Variants in AKT3 observed in about 807,000 individuals in gnomAD.
The protein encoded by AKT3 is RAC-gamma serine/threonine-protein kinase.
Under a neutral mutation model 65.3 loss-of-function variants are expected in AKT3, and 15 were observed. That is an observed-to-expected ratio of 0.23 (90% CI 0.15 to 0.35). AKT3 has a LOEUF of 0.35. Ranked by LOEUF, AKT3 falls within the 10% of genes least tolerant of loss-of-function variation. The probability of loss-of-function intolerance (pLI) is 1.00; values close to 1 mark genes in which losing one functional copy is unlikely to be tolerated. For synonymous variants in AKT3, 206 were observed against 183.8 expected (o/e 1.12, Z -0.98); for missense variants, 243 against 576.5 (o/e 0.42, Z 5.92).
chr1:243,735,869 A>G (rs1687816295), intron 2 of AKT3: 1 of 152,222 alleles, frequency 6.6e-6, no homozygotes, highest in African/African-American at 2.4e-5. Flanking sequence ...TTTGAAGTTC[A>G]AAGTATGTAT....
intron 2 of AKT3, among the ~76,000 whole-genome samples, chr1:243,712,158 C>T (rs550513554): frequency 3.9e-4 from 60 of 152,230 alleles, no homozygotes; most frequent in Non-Finnish European, 7.5e-4. Flanking sequence ...TGGACATAAT[C>T]CTACACACAA....
At chr1:243,694,551 A>G (rs934180980) in intron 3 of AKT3, among the ~76,000 whole-genome samples, 1 of 151,906 alleles carries the variant, frequency 6.6e-6, no homozygotes, top group African/African-American at 2.4e-5. Flanking sequence ...GTTAGTATCC[A>G]TATCGTTCAA....
At chr1:243,601,005 G>A (rs763065410) in intron 8 of AKT3, among the ~76,000 whole-genome samples, 30 of 152,048 alleles carry the variant, frequency 2.0e-4, no homozygotes, top group Non-Finnish European at 3.5e-4. Context: ...CATGATTGTG[G>A]TGATGGGAAA....
chr1:243,522,669 GCAGCCTA>G (rs1478605274), intron 12 of AKT3, among the ~76,000 whole-genome samples: 1 of 151,934 alleles, frequency 6.6e-6, no homozygotes, highest in East Asian at 1.9e-4. Flanking sequence ...AAAGAAAAAT[GCAGCCTA>G]CATATAAACT....
At chr1:243,612,608 T>A (rs1677953089) in intron 8 of AKT3, 1 of 155,642 alleles carries the variant, frequency 6.4e-6, no homozygotes. Flanking sequence ...TCCAGTTAGC[T>A]TTTCCAGTAA....
intron 2 of AKT3, among the ~76,000 whole-genome samples, chr1:243,759,946 G>A (rs1403346174): frequency 5.9e-5 from 9 of 152,110 alleles, no homozygotes; most frequent in South Asian, 2.1e-4. Flanking sequence ...ATGGCTGATC[G>A]TTAATGTCAA....
intron 12 of AKT3, among the ~76,000 whole-genome samples, chr1:243,525,524 G>A (rs1050283824): frequency 1.3e-5 from 2 of 150,852 alleles, no homozygotes; most frequent in African/African-American, 4.9e-5. Flanking sequence ...GAGTAAAAAA[G>A]TTGAAAATCT....
chr1:243,509,748 T>C (rs1318993117), intron 13 of AKT3, among the ~76,000 whole-genome samples: 1 of 151,554 alleles, frequency 6.6e-6, no homozygotes, highest in African/African-American at 2.4e-5. Context: ...GAATTGAAAA[T>C]AGGGTGATTC....
At chr1:243,768,141 T>C (rs891490229) in intron 2 of AKT3, among the ~76,000 whole-genome samples, 1 of 150,678 alleles carries the variant, frequency 6.6e-6, no homozygotes, top group Non-Finnish European at 1.5e-5. Flanking sequence ...CCCCAGAAGC[T>C]AGGAGATATA....
At chr1:243,505,969 G>T (rs1669640750) in intron 13 of AKT3, among the ~76,000 whole-genome samples, 1 of 152,220 alleles carries the variant, frequency 6.6e-6, no homozygotes, top group Non-Finnish European at 1.5e-5. Flanking sequence ...ATCAAAACAG[G>T]CCGCTGACAA....
intron 5 of AKT3, among the ~76,000 whole-genome samples, chr1:243,638,848 C>A (rs1572075298): frequency 6.7e-6 from 1 of 149,520 alleles, no homozygotes; most frequent in African/African-American, 2.5e-5. Context: ...GCAAGTTAAC[C>A]CAAAAGAGTT....
intron 3 of AKT3, among the ~76,000 whole-genome samples, chr1:243,667,049 C>T (rs1004593647): frequency 3.9e-5 from 6 of 152,086 alleles, no homozygotes; most frequent in East Asian, 1.9e-4. Flanking sequence ...CAAATCACTA[C>T]CCCAGGAAAA....
intron 2 of AKT3, among the ~76,000 whole-genome samples, chr1:243,698,846 A>G (rs1047413782): frequency 2.0e-5 from 3 of 152,044 alleles, no homozygotes; most frequent in African/African-American, 7.2e-5. Flanking sequence ...TTCACCTATA[A>G]TATGAATTAA....
In AKT3 at chr1:243,527,910, CACACACACACACACACACACACACACAG is replaced by C. The variant is rs1314879913; in HGVS notation, c.1252-15512_1252-15485del. ...ACACACACACACACACACACACACA[CACACACACACACACACACACACACACAG>C]AGAGAGAGAGAGAGAGAGAGAATTT... On this transcript the variant is annotated intron_variant, in intron 12 of 13. Coordinates refer to ENST00000673466, the MANE Select transcript of AKT3 (RefSeq NM_005465.7). Among the ~76,000 whole-genome samples the C allele has an allele frequency of 3.3e-3, 369 of 111,864 alleles. 5 individuals are homozygous for C. The highest frequency in any genetic ancestry group is 9.8e-3 in the African/African-American group (284 of 28,842). 73.4% of individuals were successfully genotyped at this position (111,864 alleles called of 152,430 possible).
At chr1:243,646,620 G>C (rs1019169266) in intron 4 of AKT3, among the ~76,000 whole-genome samples, 9 of 152,130 alleles carry the variant, frequency 5.9e-5, no homozygotes, top group African/African-American at 2.2e-4. Context: ...CTCCCAAAGT[G>C]CTGGGATTAC....
intron 6 of AKT3, 127 bp from the exon 7 acceptor site, chr1:243,615,288 T>C: frequency 1.7e-6 from 1 of 604,260 alleles, no homozygotes; most frequent in South Asian, 3.1e-5. Context: ...CACAGTGGCA[T>C]GCTTCCTTTA....
At chr1:243,734,696 G>A (rs946509971) in intron 2 of AKT3, among the ~76,000 whole-genome samples, 5 of 152,080 alleles carry the variant, frequency 3.3e-5, no homozygotes, top group African/African-American at 4.8e-5. Context: ...CATAAACACC[G>A]TACACTTAGG....
At chr1:243,594,888 G>A (rs925445800) in intron 8 of AKT3, among the ~76,000 whole-genome samples, 15 of 152,122 alleles carry the variant, frequency 9.9e-5, no homozygotes, top group Admixed American at 9.2e-4. Flanking sequence ...CTAAAGGACA[G>A]CCCTTTCAAT....
At chr1:243,715,513 G>A (rs887653174) in intron 2 of AKT3, among the ~76,000 whole-genome samples, 1 of 152,062 alleles carries the variant, frequency 6.6e-6, no homozygotes, top group Non-Finnish European at 1.5e-5. Flanking sequence ...ACAGAAGTCT[G>A]ATTCTGCATA....
Sources: allele counts gnomAD v4.1 joint callset (sites outside exome capture counted in the v4.1 genomes callset), GRCh38; gene constraint gnomAD v4.1.1; transcripts MANE v1.5; gene names NCBI Gene and HGNC (gene_info 2026-07-23, HGNC 2026-07-21).